ZFAT: variants seen among roughly 807,000 people sequenced by gnomAD.
ZFAT encodes zinc finger and AT-hook domain containing, also known as zinc finger protein ZFAT.
A neutral mutation model predicts 117.7 loss-of-function variants in ZFAT; 64 were observed. The observed-to-expected ratio is 0.54, with a 90% CI of 0.44 to 0.67. The LOEUF (loss-of-function observed/expected upper bound fraction) is 0.67. ZFAT is among the 30% of genes least tolerant of loss of function. The pLI is 0.00. For synonymous variants in ZFAT, 679 were observed against 615.0 expected (o/e 1.10, Z -1.54); for missense variants, 1,433 against 1,584.5 (o/e 0.90, Z 1.62).
chr8:134,566,120 C>T (rs1268503072), intron 10 of ZFAT, among the ~76,000 whole-genome samples: 3 of 152,080 alleles, frequency 2.0e-5, no homozygotes, highest in Non-Finnish European at 2.9e-5. Context: ...TTAGGCCGGG[C>T]GCGGTGGCTC....
At chr8:134,649,956 G>A (rs1018338337) in intron 2 of ZFAT, among the ~76,000 whole-genome samples, 2 of 152,020 alleles carry the variant, frequency 1.3e-5, no homozygotes, top group Non-Finnish European at 1.5e-5. Context: ...GATCTGATGG[G>A]TTTATAATCG....
chr8:134,610,365 C>T (rs947826669), intron 4 of ZFAT, 105 bp downstream of exon 4: 9 of 1,239,022 alleles, frequency 7.3e-6, no homozygotes, highest in African/African-American at 6.1e-5. Flanking sequence ...GAGAGCCCCA[C>T]CAATGCACCA....
intron 2 of ZFAT, among the ~76,000 whole-genome samples, chr8:134,637,999 C>T (rs566058772): frequency 8.5e-5 from 13 of 152,222 alleles, no homozygotes; most frequent in Admixed American, 6.5e-4. Context: ...TTTTAAGTTG[C>T]GGCTGTCAAC....
the ZFAT span, among the ~76,000 whole-genome samples, chr8:134,777,338 ACTT>A: frequency 3.3e-5 from 5 of 152,306 alleles, no homozygotes; most frequent in Admixed American, 2.6e-4. Context: ...AACTCAGTGC[ACTT>A]CTTCTTGCTT....
intron 11 of ZFAT, among the ~76,000 whole-genome samples, chr8:134,535,488 TCCCCCTCC>T (rs1821765007): frequency 8.5e-5 from 2 of 23,578 alleles, no homozygotes; most frequent in African/African-American, 3.3e-4. Flanking sequence ...CCCCTCCCCC[TCCCCCTCC>T]CCCTCCCTCT....
chr8:134,573,586 T>C (rs1002781522), intron 10 of ZFAT, among the ~76,000 whole-genome samples: 1 of 152,198 alleles, frequency 6.6e-6, no homozygotes, highest in African/African-American at 2.4e-5. Context: ...AAATACAGTG[T>C]TTCACTAGCA....
At chr8:134,678,307 CAGAG>C (rs201981393) in intron 1 of ZFAT, among the ~76,000 whole-genome samples, 7 of 152,060 alleles carry the variant, frequency 4.6e-5, no homozygotes, top group Non-Finnish European at 8.8e-5. Flanking sequence ...CAGTAACAAA[CAGAG>C]AGCCAAATCA....
the ZFAT span, chr8:134,783,606 A>G: frequency 6.6e-6 from 1 of 152,250 alleles, no homozygotes; most frequent in Non-Finnish European, 1.5e-5. Flanking sequence ...TCTATCAAAT[A>G]TTATTTTTAA....
chr8:134,565,111 A>G (rs1272237772), intron 11 of ZFAT: 1 of 1,508,710 alleles, frequency 6.6e-7, no homozygotes, highest in Admixed American at 2.0e-5. Context: ...CCTCTTACAC[A>G]TCTTTGACTT....
intron 7 of ZFAT, among the ~76,000 whole-genome samples, chr8:134,592,843 C>T (rs1361967462): frequency 6.6e-6 from 1 of 152,190 alleles, no homozygotes; most frequent in Non-Finnish European, 1.5e-5. Flanking sequence ...AAAACCAAAC[C>T]AAACCAACCA....
intron 15 of ZFAT, among the ~76,000 whole-genome samples, chr8:134,489,261 G>A (rs1317471976): frequency 1.3e-5 from 2 of 152,148 alleles, no homozygotes; most frequent in African/African-American, 2.4e-5. Flanking sequence ...TGAAGAGGAT[G>A]GGCCTGAACA....
chr8:134,687,734 C>G (rs1833394988), intron 1 of ZFAT, among the ~76,000 whole-genome samples: 1 of 152,210 alleles, frequency 6.6e-6, no homozygotes, highest in Non-Finnish European at 1.5e-5. Flanking sequence ...GTAACCAAGT[C>G]TCTGTGGTCA....
chr8:134,588,479 C>A (rs1413540640), intron 8 of ZFAT, 84 bp from the exon 9 acceptor site: 1 of 1,392,308 alleles, frequency 7.2e-7, no homozygotes, highest in Non-Finnish European at 9.5e-7. Context: ...TAAGCAGCAC[C>A]CACAGGAGGA....
chr8:134,644,846 C>T (rs920647814), intron 2 of ZFAT, among the ~76,000 whole-genome samples: 1 of 152,152 alleles, frequency 6.6e-6, no homozygotes, highest in African/African-American at 2.4e-5. Context: ...TGCACACTCA[C>T]ACACCATCTA....
chr8:134,578,973 C>CA (rs200957887), intron 10 of ZFAT, among the ~76,000 whole-genome samples: 4,215 of 152,308 alleles, frequency 0.028, 117 homozygotes, highest in Middle Eastern at 0.037. Flanking sequence ...CTGGCTTTTA[C>CA]ACTTTTCAAA....
intron 7 of ZFAT, among the ~76,000 whole-genome samples, chr8:134,595,414 C>T (rs1826852351): frequency 1.3e-5 from 2 of 151,862 alleles, no homozygotes. Context: ...CTAATGCAGT[C>T]CTCACAGCCC....
At chr8:134,533,087 T>C (rs1821552830) in intron 11 of ZFAT, 115 bp from the exon 12 acceptor site, 2 of 1,422,116 alleles carry the variant, frequency 1.4e-6, no homozygotes, top group South Asian at 2.7e-5. Context: ...GCAGGCCCCA[T>C]CACCTGTGAT....
At chr8:134,712,801 C>CG in intron 1 of ZFAT, 44 bp downstream of exon 1, 5 of 836,052 alleles carry the variant, frequency 6.0e-6, no homozygotes, top group Non-Finnish European at 9.3e-6. Context: ...CCGCGCCGCG[C>CG]CCCACCCCCA....
At chr8:134,495,357 C>A (rs1224467397) in intron 15 of ZFAT, among the ~76,000 whole-genome samples, 1 of 152,126 alleles carries the variant, frequency 6.6e-6, no homozygotes, top group East Asian at 1.9e-4. Flanking sequence ...GCACTCATCG[C>A]ATTCATGGGG....
Sources: allele counts gnomAD v4.1 joint callset (sites outside exome capture counted in the v4.1 genomes callset), GRCh38; gene constraint gnomAD v4.1.1; transcripts MANE v1.5; gene names NCBI Gene and HGNC (gene_info 2026-07-23, HGNC 2026-07-21).